MKKS: variants seen among roughly 807,000 people sequenced by gnomAD.
MKKS encodes MKKS centrosomal shuttling protein, also known as molecular chaperone MKKS.
Under a neutral mutation model 33.2 loss-of-function variants are expected in MKKS, and 29 were observed. The observed-to-expected ratio is 0.87, with a 90% confidence interval of 0.65 to 1.19. MKKS has a LOEUF of 1.19. MKKS is among the 50% of genes most tolerant of loss of function. The pLI, the probability that MKKS is intolerant of heterozygous loss-of-function variation, is 0.00. For synonymous variants in MKKS, 260 were observed against 244.0 expected (o/e 1.07, Z -0.61); for missense variants, 661 against 662.3 (o/e 1.00, Z 0.02).
At chr20:10,409,935 G>A (rs1371084653) in intron 3 of MKKS, among the ~76,000 whole-genome samples, 15 of 127,924 alleles carry the variant, frequency 1.2e-4, no homozygotes, top group African/African-American at 4.3e-4. Context: ...CTGAGATTGC[G>A]CCACTGCACT....
intron 1 of MKKS, among the ~76,000 whole-genome samples, chr20:10,433,363 G>A (rs534200494): frequency 6.6e-6 from 1 of 152,344 alleles, no homozygotes; most frequent in South Asian, 2.1e-4. Flanking sequence ...CTCATGGATA[G>A]GGAGCGTATT....
At chr20:10,431,766 G>A (rs1299768687) in intron 1 of MKKS, 1 of 152,132 alleles carries the variant, frequency 6.6e-6, no homozygotes, top group African/African-American at 2.4e-5. Flanking sequence ...GCAGCCACTT[G>A]TCTTCTCTGC....
rs2064833292 is a variant in MKKS at position 10,405,269 on chromosome 20, T to C, written c.1691A>G (p.Tyr564Cys). Residue 564 changes from tyrosine to cysteine, a missense_variant, in exon 6 of 6, where the codon TAT (tyrosine) becomes TGT (cysteine). Transcript: ENST00000347364. Reference protein sequence around the residue: ...ETANLILDLSYVIEDKN With the variant: ...ETANLILDLSCVIEDKN ...CTCTTAGTTTTTATCTTCAATAACA[T>C]ATGAAAGATCCAAAATCAAATTGGC... The C allele has an allele frequency of 1.9e-6, 3 of 1,612,882 alleles. No homozygotes were observed. The highest frequency in any genetic ancestry group is 2.5e-6 in the Non-Finnish European group (3 of 1,179,394).
intron 1 of MKKS, among the ~76,000 whole-genome samples, chr20:10,423,311 T>TG (rs1182699950): frequency 2.0e-5 from 3 of 151,814 alleles, no homozygotes; most frequent in Non-Finnish European, 2.9e-5. Context: ...TCTAGCTGCG[T>TG]GGGGGGTGCT....
Position 10,412,642 on chromosome 20 carries a change from G to A in MKKS, c.873C>T (p.Val291=). ...RQLISDHVDL[V]LCQKVIHPSL... is the part of the protein sequence containing the mutation. ...ATGGATGTATAACTTTTTGGCACAGGACAAGATCTACGTGGTCACTGATTA... is the reference window on the plus strand; with the variant it reads ...ATGGATGTATAACTTTTTGGCACAGAACAAGATCTACGTGGTCACTGATTA... Residue 291 remains valine, a synonymous_variant, in exon 3 of 6, where the codon GTC becomes GTT. Transcript: ENST00000347364. 1.2e-6 allele frequency: 2 copies of A among 1,614,140 alleles called. No individual in the cohort carries two copies. The highest frequency in any genetic ancestry group is 1.1e-5 in the South Asian group (1 of 91,086).
At chr20:10,406,085 T>A (rs2064842101) in intron 5 of MKKS, among the ~76,000 whole-genome samples, 1 of 152,170 alleles carries the variant, frequency 6.6e-6, no homozygotes, top group Non-Finnish European at 1.5e-5. Context: ...ATGGAGTACT[T>A]ATTTATCTCT....
chr20:10,426,179 T>C (rs1190897710), intron 1 of MKKS, among the ~76,000 whole-genome samples: 4 of 152,256 alleles, frequency 2.6e-5, no homozygotes, highest in African/African-American at 9.6e-5. Context: ...ATTCTAAGAT[T>C]ACTGTCAGTT....
chr20:10,407,771 T>G, intron 4 of MKKS, 45 bp from the exon 5 acceptor site: 6 of 1,387,810 alleles, frequency 4.3e-6, no homozygotes, highest in Non-Finnish European at 6.1e-6. Flanking sequence ...TCACATCATA[T>G]TAACACACAA....
At chr20:10,418,079 A>T (rs2064953034) in intron 2 of MKKS, among the ~76,000 whole-genome samples, 2 of 152,206 alleles carry the variant, frequency 1.3e-5, no homozygotes, top group African/African-American at 4.8e-5. Context: ...AATTGTAGGT[A>T]AAGAGTCACT....
chr20:10,413,218 G>A lies in MKKS; in HGVS notation c.297C>T (p.Cys99=), dbSNP rs748395304. 2.3e-5 allele frequency: 37 copies of A among 1,614,204 alleles called. No individual in the cohort carries two copies. The Middle Eastern group carries it at 1.3e-3, about 58-fold the overall frequency. The change falls in exon 3 of 6, where the codon TGC becomes TGT. Residue 99 remains cysteine, a synonymous_variant. Transcript: ENST00000347364. ...TCTGAACATTTTCAATCAGGTTGCA[G>A]CAAAGAATAGCTGTGAATAAGCCAC... The part of the protein sequence containing the change: ...SDCGLFTAIL[C]CNLIENVQRL...
chr20:10,417,965 T>G (rs1170931976), intron 2 of MKKS, among the ~76,000 whole-genome samples: 1 of 152,180 alleles, frequency 6.6e-6, no homozygotes, highest in Non-Finnish European at 1.5e-5. Flanking sequence ...ATATTATCTA[T>G]CAAATGCAAT....
intron 2 of MKKS, among the ~76,000 whole-genome samples, chr20:10,415,869 A>T (rs908828790): frequency 1.3e-5 from 2 of 152,234 alleles, no homozygotes; most frequent in African/African-American, 2.4e-5. Flanking sequence ...CATTAAAATG[A>T]CAAAGAAATC....
chr20:10,413,055 C>G lies in MKKS; in HGVS notation c.460G>C (p.Val154Leu). ...GGTTTACTTGTTAATATACTACGCA[C>G]CAAACAAAGGAGGATCTGAGTACTA... ...FSSTQILLCL[V>L]RSILTSKPAC... The change falls in exon 3 of 6, where the codon GTG (valine) becomes CTG (leucine). Residue 154 changes from valine to leucine, a missense_variant. Val to Leu is a conservative substitution (Grantham distance 32). Coordinates refer to ENST00000347364, the MANE Select transcript of MKKS (RefSeq NM_170784.3). 6.2e-7 allele frequency: 1 copy of G among 1,613,958 alleles called. No individual in the cohort carries two copies. The highest frequency in any genetic ancestry group is 8.5e-7 in the Non-Finnish European group (1 of 1,180,028).
At position 10,403,618 on chromosome 20, in the gene MKKS, A is replaced by G. The variant is rs947633096; in HGVS notation, c.*1629T>C. 6.6e-6 allele frequency: 1 copy of G among 152,182 alleles called. No individual in the cohort carries two copies. Among genetic ancestry groups the G allele is most frequent in the African/African-American group, 2.4e-5 (1 of 41,446 alleles). The allele number at this position is 152,182 out of a possible 1,614,324, so 9.4% of individuals were successfully genotyped here. ...TTATCTGCCTTCTACTCACAGCATA[A>G]AATTATGGATAAGGCATAACCATAA... On this transcript the variant is annotated 3_prime_UTR_variant, in exon 6 of 6. Transcript: ENST00000347364.
At chr20:10,407,787 C>A in intron 4 of MKKS, 61 bp from the exon 5 acceptor site, 1 of 1,279,450 alleles carries the variant, frequency 7.8e-7, no homozygotes, top group South Asian at 1.2e-5. Flanking sequence ...CACAAAAAAT[C>A]ATGCTCTCAA....
At chr20:10,433,392 G>A (rs886494881) in intron 1 of MKKS, among the ~76,000 whole-genome samples, 3 of 152,222 alleles carry the variant, frequency 2.0e-5, no homozygotes, top group African/African-American at 7.2e-5. Flanking sequence ...CCCATCACTA[G>A]AACATGGAGT....
At position 10,401,264 on chromosome 20, in the gene MKKS, A is replaced by T. The variant is rs2064810558; in HGVS notation, c.*3983T>A. 1.3e-5 allele frequency: 2 copies of T among 152,214 alleles called. No homozygotes were observed. The highest frequency in any genetic ancestry group is 1.3e-4 in the Admixed American group (2 of 15,282). 9.4% of individuals were successfully genotyped at this position (152,214 alleles called of 1,614,324 possible). On this transcript the variant is annotated 3_prime_UTR_variant, in exon 6 of 6. Transcript: ENST00000347364. ...TCTTAGTAAAGCAGCATATAAATCT[A>T]CTTATAATCCAAAAGTAGGCTAACA...
Position 10,412,806 on chromosome 20 carries a change from T to A in MKKS, c.709A>T (p.Thr237Ser). The change falls in exon 3 of 6, where the codon ACT (threonine) becomes TCT (serine). Residue 237 changes from threonine (T) to serine (S), a missense_variant. By Grantham distance (58) the Thr-to-Ser change is moderately conservative. Coordinates refer to ENST00000347364, the MANE Select transcript of MKKS (RefSeq NM_170784.3). The part of the protein sequence containing the change: ...LMRLLPIKKS[T>S]ALKVALFCTT... Reference sequence around the variant, plus strand: ...CAAAAGAGTGCCACCTTGAGGGCAGTTGATTTTTTGATAGGTAATAGCCTC... The same window carrying A: ...CAAAAGAGTGCCACCTTGAGGGCAGATGATTTTTTGATAGGTAATAGCCTC... 1 of 1,614,218 alleles carries A rather than the reference T, an allele frequency of 6.2e-7. No homozygotes were observed. The highest frequency in any genetic ancestry group is 8.5e-7 in the Non-Finnish European group (1 of 1,180,032).
intron 1 of MKKS, among the ~76,000 whole-genome samples, chr20:10,427,288 G>A (rs1038699003): frequency 1.3e-5 from 2 of 152,118 alleles, no homozygotes; most frequent in South Asian, 2.1e-4. Flanking sequence ...CTTGCTGGGC[G>A]CCATCTGCTG....
Sources: gnomAD v4.1 joint callset for allele counts (sites outside exome capture counted in the v4.1 genomes callset) on GRCh38, gnomAD v4.1.1 for gene constraint, MANE v1.5 for transcripts, NCBI Gene and HGNC (gene_info 2026-07-23, HGNC 2026-07-21) for gene names.